Variants in STX8 observed in about 807,000 individuals in gnomAD.
STX8 encodes syntaxin-8.
In STX8, 23 loss-of-function variants were observed where a neutral mutation model predicts 37.5. That is an observed-to-expected ratio of 0.61 (90% CI 0.44 to 0.87). The LOEUF is 0.87. STX8 is among the 40% of genes least tolerant of loss of function. The pLI is 0.00. For missense variants in STX8, 313 were observed against 284.7 expected, an observed-to-expected ratio of 1.10 and a Z score of -0.71; for synonymous variants, 115 against 99.1, an observed-to-expected ratio of 1.16 and a Z score of -0.95.
chr17:9,506,418 C>CCT (rs1046848287), intron 4 of STX8, among the ~76,000 whole-genome samples: 9 of 98,606 alleles, frequency 9.1e-5, no homozygotes, highest in Non-Finnish European at 4.5e-5. Context: ...CCCCCCCCCC[C>CCT]CCACCCACCT....
chr17:9,434,482 A>G (rs1904355810), intron 6 of STX8, among the ~76,000 whole-genome samples: 1 of 152,244 alleles, frequency 6.6e-6, no homozygotes. Flanking sequence ...AGGTATAGCC[A>G]TAGTTCCAAG....
intron 6 of STX8, among the ~76,000 whole-genome samples, chr17:9,427,134 A>G (rs1194506444): frequency 1.3e-5 from 2 of 152,208 alleles, no homozygotes; most frequent in African/African-American, 2.4e-5. Context: ...AATGAATTCC[A>G]AAAGTGTATT....
intron 7 of STX8, among the ~76,000 whole-genome samples, chr17:9,329,306 C>T (rs928106762): frequency 6.6e-6 from 1 of 152,138 alleles, no homozygotes; most frequent in African/African-American, 2.4e-5. Context: ...CAATCAATGG[C>T]AACAATATTC....
intron 4 of STX8, among the ~76,000 whole-genome samples, chr17:9,512,597 G>C (rs1418697400): frequency 2.6e-5 from 4 of 151,934 alleles, no homozygotes; most frequent in Non-Finnish European, 5.9e-5. Flanking sequence ...TGAGTAGTTG[G>C]GATTACAGGC....
At chr17:9,497,294 G>A (rs952353422) in intron 5 of STX8, among the ~76,000 whole-genome samples, 1 of 152,218 alleles carries the variant, frequency 6.6e-6, no homozygotes, top group Non-Finnish European at 1.5e-5. Flanking sequence ...CACAATCAGG[G>A]AAACTTGAAT....
In STX8 at chr17:9,516,969, T is replaced by C. The variant is rs1345491195; in HGVS notation, c.324-11807A>G. On this transcript the variant is annotated intron_variant, in intron 4 of 7. Transcript: ENST00000306357. Reference sequence around the variant, plus strand: ...TATGATACCCTTGTTATTAGTGACATTGGGGAGTAAGTGGGGAAGACTCAT... The same window carrying C: ...TATGATACCCTTGTTATTAGTGACACTGGGGAGTAAGTGGGGAAGACTCAT... 2.6e-5 allele frequency among the ~76,000 whole-genome samples: 4 copies of C among 152,120 alleles called. No homozygotes were observed. The East Asian group carries it at 5.8e-4, about 22-fold the overall frequency.
At chr17:9,267,810 G>A (rs1196967417) in intron 7 of STX8, among the ~76,000 whole-genome samples, 2 of 152,120 alleles carry the variant, frequency 1.3e-5, no homozygotes, top group African/African-American at 4.8e-5. Flanking sequence ...CCAACATGGT[G>A]AAATCCCATC....
At chr17:9,310,723 T>C (rs1484355945) in intron 7 of STX8, among the ~76,000 whole-genome samples, 1 of 152,060 alleles carries the variant, frequency 6.6e-6, no homozygotes, top group South Asian at 2.1e-4. Flanking sequence ...TTTTTATAAA[T>C]GAAATACCTG....
intron 7 of STX8, among the ~76,000 whole-genome samples, chr17:9,295,371 G>C (rs546084786): frequency 2.7e-4 from 41 of 152,226 alleles, no homozygotes; most frequent in African/African-American, 9.6e-4. Context: ...TATAGTCCTG[G>C]TCCCTAGCAT....
intron 7 of STX8, among the ~76,000 whole-genome samples, chr17:9,360,680 A>AAG (rs1911033431): frequency 6.6e-6 from 1 of 151,352 alleles, no homozygotes; most frequent in Non-Finnish European, 1.5e-5. Context: ...AAAAAAAAAA[A>AAG]GACTGTAGAA....
At chr17:9,285,095 T>C (rs1226167411) in intron 7 of STX8, among the ~76,000 whole-genome samples, 1 of 152,138 alleles carries the variant, frequency 6.6e-6, no homozygotes. Flanking sequence ...GGAATTTGTA[T>C]TTTTAGTAAG....
chr17:9,384,704 C>T (rs995816119), intron 6 of STX8, among the ~76,000 whole-genome samples: 1 of 151,856 alleles, frequency 6.6e-6, no homozygotes. Flanking sequence ...CCAAAATTCA[C>T]AATTTATTAT....
rs1443887969 is a variant in STX8 at position 9,250,498 on chromosome 17, G to A, written c.*80C>T. On this transcript the variant is annotated 3_prime_UTR_variant, in exon 8 of 8. Transcript: ENST00000306357. Reference sequence around the variant, plus strand: ...AGAGCTTTGGGGGAATTTATTGAGAGCAGGTTTTGCGTACCAAAAGGGTGT... The same window carrying A: ...AGAGCTTTGGGGGAATTTATTGAGAACAGGTTTTGCGTACCAAAAGGGTGT... 2.2e-5 allele frequency: 28 copies of A among 1,267,052 alleles called. No homozygotes were observed. Among genetic ancestry groups the A allele is most frequent in the Non-Finnish European group, 3.2e-5 (28 of 888,654 alleles). 78.5% of individuals were successfully genotyped at this position (1,267,052 alleles called of 1,614,324 possible).
At chr17:9,542,890 A>G (rs147379571) in intron 4 of STX8, among the ~76,000 whole-genome samples, 1 of 152,184 alleles carries the variant, frequency 6.6e-6, no homozygotes, top group Non-Finnish European at 1.5e-5. Context: ...TCACACTGTA[A>G]AGGACACAGA....
chr17:9,344,895 G>A (rs185144874), intron 7 of STX8, among the ~76,000 whole-genome samples: 1 of 152,156 alleles, frequency 6.6e-6, no homozygotes, highest in African/African-American at 2.4e-5. Flanking sequence ...TTACATCCTT[G>A]GTCATAACTT....
intron 2 of STX8, among the ~76,000 whole-genome samples, chr17:9,563,519 A>C (rs1190300611): frequency 6.6e-6 from 1 of 152,106 alleles, no homozygotes; most frequent in Non-Finnish European, 1.5e-5. Context: ...GAAAAACATA[A>C]CACACAGACA....
chr17:9,504,559 C>T (rs1347567546), intron 5 of STX8, among the ~76,000 whole-genome samples: 4 of 152,078 alleles, frequency 2.6e-5, no homozygotes, highest in Non-Finnish European at 5.9e-5. Context: ...CATGAGCCAC[C>T]GAGATGAGTG....
At chr17:9,268,036 A>G (rs929100215) in intron 7 of STX8, among the ~76,000 whole-genome samples, 1 of 151,800 alleles carries the variant, frequency 6.6e-6, no homozygotes, top group South Asian at 2.1e-4. Flanking sequence ...GAGCATTTCA[A>G]TGAAAGGCCA....
chr17:9,513,572 G>T (rs1905086359), intron 4 of STX8, among the ~76,000 whole-genome samples: 1 of 152,194 alleles, frequency 6.6e-6, no homozygotes, highest in Admixed American at 6.5e-5. Flanking sequence ...CACAGATGGT[G>T]GAAATGTAAA....
Sources: allele counts gnomAD v4.1 joint callset (sites outside exome capture counted in the v4.1 genomes callset), GRCh38; gene constraint gnomAD v4.1.1; transcripts MANE v1.5; gene names NCBI Gene and HGNC (gene_info 2026-07-23, HGNC 2026-07-21).